MACROD2: variants seen among roughly 807,000 people sequenced by gnomAD.
MACROD2 encodes the protein ADP-ribose glycohydrolase MACROD2.
Under a neutral mutation model 70.4 loss-of-function variants are expected in MACROD2, and 36 were observed. The ratio of observed to expected loss-of-function variants is 0.51; its 90% CI spans 0.39 to 0.68. The LOEUF (loss-of-function observed/expected upper bound fraction) is 0.68, where lower values mean the gene tolerates loss of function less well. MACROD2 is among the 30% of genes least tolerant of loss of function. The probability of loss-of-function intolerance (pLI) is 0.00; values close to 1 mark genes in which losing one functional copy is unlikely to be tolerated. For missense variants in MACROD2, 496 were observed against 538.4 expected (o/e 0.92, Z 0.78); for synonymous variants, 172 against 178.8 (o/e 0.96, Z 0.30).
chr20:15,449,648 T>C (rs914950634), intron 7 of MACROD2, among the ~76,000 whole-genome samples: 4 of 152,164 alleles, frequency 2.6e-5, no homozygotes, highest in African/African-American at 9.7e-5. Flanking sequence ...TATTTCAAGA[T>C]TATTTTTAAA....
Position 15,862,753 on chromosome 20 carries a change from G to T in MACROD2, c.654G>T (p.Arg218=). Residue 218 remains arginine (R), a synonymous_variant, in exon 9 of 18, where the codon CGG becomes CGT. Transcript: ENST00000684519. ...WLAKNHHEVD[R]IIFCVFLEVD... is the part of the protein sequence containing the mutation. ...TTATCTTTTGCCTCTAGGTGGATCG[G>T]ATCATTTTCTGTGTCTTCTTAGAAG... The T allele has an allele frequency of 6.2e-7, 1 of 1,611,656 alleles. No individual in the cohort carries two copies. Among genetic ancestry groups the T allele is most frequent in the Non-Finnish European group, 8.5e-7 (1 of 1,179,052 alleles).
intron 4 of MACROD2, among the ~76,000 whole-genome samples, chr20:14,634,271 A>G (rs113258067): frequency 1.1e-4 from 16 of 152,344 alleles, no homozygotes; most frequent in African/African-American, 3.8e-4. Flanking sequence ...TAAGCTTGTC[A>G]TCCCTTTGGA....
Position 15,346,933 on chromosome 20 carries a change from A to G in MACROD2, c.541-84472A>G, listed in dbSNP as rs529033688. Among the ~76,000 whole-genome samples the G allele has an allele frequency of 2.4e-4, 36 of 152,308 alleles. 1 individual carries two copies. In the Middle Eastern group the frequency reaches 0.01, roughly 43 times the overall value. ...TGAAAATTTAACATTCAAAGCAAGT[A>G]GGCAAAGCTGGCTTGGGTAGCTGAG... On this transcript the variant is annotated intron_variant, in intron 6 of 17. Transcript: ENST00000684519.
intron 2 of MACROD2, among the ~76,000 whole-genome samples, chr20:14,055,659 C>G (rs1384389616): frequency 6.6e-6 from 1 of 151,998 alleles, no homozygotes; most frequent in Non-Finnish European, 1.5e-5. Flanking sequence ...CTGACACAGA[C>G]AGCAAAGAGC....
At chr20:15,361,458 G>C (rs930410095) in intron 6 of MACROD2, among the ~76,000 whole-genome samples, 1 of 152,102 alleles carries the variant, frequency 6.6e-6, no homozygotes, top group African/African-American at 2.4e-5. Context: ...ACAGAGTTTT[G>C]ATTGATGTTG....
chr20:15,325,246 C>T (rs1323228171), intron 6 of MACROD2, among the ~76,000 whole-genome samples: 1 of 152,076 alleles, frequency 6.6e-6, no homozygotes, highest in Non-Finnish European at 1.5e-5. Flanking sequence ...TTATTTGTAC[C>T]TTGCAAATCT....
chr20:15,231,921 A>G (rs2145985634), intron 6 of MACROD2, among the ~76,000 whole-genome samples: 1 of 152,196 alleles, frequency 6.6e-6, no homozygotes, highest in South Asian at 2.1e-4. Context: ...GTAAATAAAA[A>G]TGGAGATAGA....
chr20:15,214,204 TG>T (rs1354163858), intron 5 of MACROD2, among the ~76,000 whole-genome samples: 1 of 152,240 alleles, frequency 6.6e-6, no homozygotes, highest in Non-Finnish European at 1.5e-5. Context: ...TTTCTCTGGC[TG>T]TGTCCAGGAT....
chr20:14,846,892 G>T (rs1028419971), intron 5 of MACROD2, among the ~76,000 whole-genome samples: 34 of 152,048 alleles, frequency 2.2e-4, no homozygotes, highest in Admixed American at 1.1e-3. Flanking sequence ...TTACCATTTG[G>T]CATATTCCTC....
intron 5 of MACROD2, among the ~76,000 whole-genome samples, chr20:15,150,719 G>A (rs2076263119): frequency 6.6e-6 from 1 of 151,920 alleles, no homozygotes; most frequent in African/African-American, 2.4e-5. Context: ...GCTTTGGATT[G>A]GGAAGAAGGG....
At chr20:14,372,350 A>T (rs1302456629) in intron 3 of MACROD2, among the ~76,000 whole-genome samples, 1 of 150,332 alleles carries the variant, frequency 6.7e-6, no homozygotes, top group Non-Finnish European at 1.5e-5. Flanking sequence ...ATATCAAAAT[A>T]ATAATACAGA....
At chr20:14,519,337 G>A (rs73901266) in intron 4 of MACROD2, among the ~76,000 whole-genome samples, 10,112 of 152,042 alleles carry the variant, frequency 0.067, 1,112 homozygotes, top group African/African-American at 0.23. Context: ...CAAACTGTAG[G>A]GAATAAGATC....
intron 4 of MACROD2, among the ~76,000 whole-genome samples, chr20:14,584,900 A>G (rs1396786598): frequency 6.6e-6 from 1 of 152,188 alleles, no homozygotes; most frequent in Non-Finnish European, 1.5e-5. Flanking sequence ...GAATGATCGA[A>G]TGAATGATGC....
At chr20:14,677,406 C>G (rs1262739104) in intron 4 of MACROD2, among the ~76,000 whole-genome samples, 1 of 152,170 alleles carries the variant, frequency 6.6e-6, no homozygotes, top group Non-Finnish European at 1.5e-5. Flanking sequence ...AGGCTATAGT[C>G]TAAGGAAAGC....
At chr20:14,692,416 G>T (rs539165460) in intron 5 of MACROD2, among the ~76,000 whole-genome samples, 1 of 152,204 alleles carries the variant, frequency 6.6e-6, no homozygotes, top group Non-Finnish European at 1.5e-5. Context: ...ATCTGTGTTT[G>T]TTTATTTGTT....
intron 5 of MACROD2, among the ~76,000 whole-genome samples, chr20:15,067,499 G>T (rs1160022614): frequency 2.0e-5 from 3 of 151,944 alleles, no homozygotes; most frequent in Non-Finnish European, 4.4e-5. Context: ...ACAGGTGTGG[G>T]CCACCACACC....
At chr20:15,611,516 A>G (rs568442638) in intron 8 of MACROD2, among the ~76,000 whole-genome samples, 1 of 152,044 alleles carries the variant, frequency 6.6e-6, no homozygotes, top group African/African-American at 2.4e-5. Flanking sequence ...TGCCTAGTCT[A>G]TTCTTCTACT....
At chr20:14,486,242 T>G (rs1600292049) in intron 3 of MACROD2, among the ~76,000 whole-genome samples, 1 of 152,216 alleles carries the variant, frequency 6.6e-6, no homozygotes, top group Middle Eastern at 3.4e-3. Flanking sequence ...TAAAGAACCT[T>G]GATTAGAATG....
intron 3 of MACROD2, among the ~76,000 whole-genome samples, chr20:14,300,233 TTTA>T (rs566023811): frequency 1.4e-3 from 218 of 152,310 alleles, no homozygotes; most frequent in African/African-American, 4.8e-3. Context: ...CCTCAGAGAT[TTTA>T]TTATGTATCA....
Sources: allele counts gnomAD v4.1 joint callset (sites outside exome capture counted in the v4.1 genomes callset), GRCh38; gene constraint gnomAD v4.1.1; transcripts MANE v1.5; gene names NCBI Gene and HGNC (gene_info 2026-07-23, HGNC 2026-07-21).